The following EDIL3 variants were observed in gnomAD, a reference collection of about 807,000 sequenced individuals.
The protein encoded by EDIL3 is EGF-like repeat and discoidin I-like domain-containing protein 3.
EDIL3 carries 37 observed loss-of-function variants against 67.4 expected under a neutral mutation model. The observed-to-expected ratio is 0.55, with a 90% CI of 0.42 to 0.72. The LOEUF (loss-of-function observed/expected upper bound fraction) is 0.72. EDIL3 is among the 30% of genes least tolerant of loss of function. The pLI is 0.00. For missense variants in EDIL3, 527 were observed against 586.3 expected (o/e 0.90, Z 1.04); for synonymous variants, 195 against 196.3 (o/e 0.99, Z 0.05).
chr5:84,027,922 C>T (rs1407887821), intron 9 of EDIL3, among the ~76,000 whole-genome samples: 2 of 152,068 alleles, frequency 1.3e-5, no homozygotes, highest in Non-Finnish European at 1.5e-5. Context: ...AGGAATTTAA[C>T]CTTTCCTCAA....
chr5:83,979,498 G>A (rs899634040), intron 9 of EDIL3, among the ~76,000 whole-genome samples: 1 of 151,884 alleles, frequency 6.6e-6, no homozygotes, highest in Non-Finnish European at 1.5e-5. Flanking sequence ...ATTATGAAAA[G>A]TTATAAAGTC....
intron 4 of EDIL3, among the ~76,000 whole-genome samples, chr5:84,179,624 T>C (rs929615537): frequency 6.6e-6 from 1 of 152,182 alleles, no homozygotes; most frequent in Admixed American, 6.5e-5. Context: ...TGCCTATTCC[T>C]TCCCCACTCT....
rs116034801 is a variant in EDIL3 at position 84,220,887 on chromosome 5, G to A, written c.226+8968C>T. Among the ~76,000 whole-genome samples the A allele has an allele frequency of 2.2e-3, 333 of 152,056 alleles. 2 individuals carry two copies. The highest frequency in any genetic ancestry group is 7.7e-3 in the African/African-American group (320 of 41,458). On this transcript the variant is annotated intron_variant, in intron 3 of 10. Coordinates refer to ENST00000296591, the MANE Select transcript of EDIL3 (RefSeq NM_005711.5). ...CATATGGCCACAGTAGCTGTTGGCA[G>A]ACATATTACAGCCATGGAGAAACCA...
intron 3 of EDIL3, among the ~76,000 whole-genome samples, chr5:84,190,579 GTATATATA>G (rs138685119): frequency 0.17 from 20,908 of 121,690 alleles, 1,893 homozygotes; most frequent in Middle Eastern, 0.28. Flanking sequence ...GTGTGTGTGT[GTATATATA>G]TATATATATA....
At chr5:84,136,685 A>C (rs1427763633) in intron 5 of EDIL3, among the ~76,000 whole-genome samples, 1 of 152,108 alleles carries the variant, frequency 6.6e-6, no homozygotes, top group Non-Finnish European at 1.5e-5. Context: ...ACAGAGGCTA[A>C]CTGATTTATT....
chr5:84,150,774 A>G (rs899183908), intron 4 of EDIL3, among the ~76,000 whole-genome samples: 1 of 152,186 alleles, frequency 6.6e-6, no homozygotes, highest in Non-Finnish European at 1.5e-5. Flanking sequence ...CTACTCCTAC[A>G]TATTTATCCA....
rs765734016 is a variant in EDIL3, at chr5:84,347,546, GATAC to G, written c.67+36758_67+36761del. Among the ~76,000 whole-genome samples the G allele has an allele frequency of 2.4e-4, 36 of 152,162 alleles. 1 individual carries two copies. The highest frequency in any genetic ancestry group is 8.4e-4 in the African/African-American group (35 of 41,434). ...TTTTGGCTTTTCTCTGATAATCTCA[GATAC>G]ATACTATTAGTTTCTATAGACAAGT... is the stretch of plus-strand genomic sequence containing the variant. On this transcript the variant is annotated intron_variant, in intron 1 of 10. Coordinates refer to ENST00000296591, the MANE Select transcript of EDIL3 (RefSeq NM_005711.5).
rs533756025 is a variant in EDIL3 at position 84,137,184 on chromosome 5, T to TATACACACAC, written c.469+56_469+57insGTGTGTGTAT. 15 of 901,772 alleles carry TATACACACAC rather than the reference T, an allele frequency of 1.7e-5. No individual in the cohort carries two copies. The African/African-American group carries it at 2.6e-4, about 16-fold the overall frequency. The allele number at this position is 901,772 out of a possible 1,614,324, so 55.9% of individuals were successfully genotyped here. ...ATACATATATGTGTGTGTGTATACATACACACACACACACACACACACACA... is the reference window on the plus strand; with the variant it reads ...ATACATATATGTGTGTGTGTATACATATACACACACACACACACACACACACACACACACA... On this transcript the variant is annotated intron_variant, in intron 5 of 10. Transcript: ENST00000296591.
intron 3 of EDIL3, among the ~76,000 whole-genome samples, chr5:84,197,497 T>C (rs867873624): frequency 6.6e-6 from 1 of 151,658 alleles, no homozygotes; most frequent in Non-Finnish European, 1.5e-5. Context: ...CCGTCTCTAC[T>C]AAAATACAAA....
intron 10 of EDIL3, among the ~76,000 whole-genome samples, chr5:83,944,023 GTGTT>G: frequency 6.6e-6 from 1 of 152,124 alleles, no homozygotes; most frequent in East Asian, 1.9e-4. Flanking sequence ...ACTGTGCAGA[GTGTT>G]TAAGAGAACA....
intron 3 of EDIL3, among the ~76,000 whole-genome samples, chr5:84,188,423 C>A (rs1336323123): frequency 6.6e-6 from 1 of 151,838 alleles, no homozygotes; most frequent in Non-Finnish European, 1.5e-5. Flanking sequence ...AAACACGAAT[C>A]CCTGCCTGTC....
At chr5:84,377,956 C>T (rs1299773593) in intron 1 of EDIL3, among the ~76,000 whole-genome samples, 1 of 152,210 alleles carries the variant, frequency 6.6e-6, no homozygotes, top group Non-Finnish European at 1.5e-5. Flanking sequence ...GTTACTATCA[C>T]TATAATAATG....
chr5:84,300,327 T>C (rs747012366), intron 1 of EDIL3, among the ~76,000 whole-genome samples: 6 of 152,160 alleles, frequency 3.9e-5, no homozygotes, highest in Admixed American at 1.3e-4. Context: ...AATACCCAGG[T>C]GCTTAGGTTG....
chr5:84,165,504 T>C (rs1748689433), intron 4 of EDIL3, among the ~76,000 whole-genome samples: 1 of 152,112 alleles, frequency 6.6e-6, no homozygotes, highest in African/African-American at 2.4e-5. Flanking sequence ...CCTTCCAATA[T>C]TGCTCTTGAA....
chr5:84,377,309 A>C (rs1747988732), intron 1 of EDIL3, among the ~76,000 whole-genome samples: 1 of 123,570 alleles, frequency 8.1e-6, no homozygotes, highest in African/African-American at 2.7e-5. Context: ...CTCCGTCTCA[A>C]AAAAAAAAAA....
chr5:84,133,932 A>C (rs1561441332), intron 5 of EDIL3, among the ~76,000 whole-genome samples: 1 of 152,036 alleles, frequency 6.6e-6, no homozygotes, highest in Non-Finnish European at 1.5e-5. Flanking sequence ...CTCCCCTATA[A>C]GTATAATTAG....
chr5:84,273,263 C>A (rs562158447), intron 1 of EDIL3, among the ~76,000 whole-genome samples: 1 of 152,092 alleles, frequency 6.6e-6, no homozygotes, highest in African/African-American at 2.4e-5. Context: ...ATCTTTAGGG[C>A]GCTAATGGTC....
chr5:84,376,983 CAT>C (rs1336481037), intron 1 of EDIL3, among the ~76,000 whole-genome samples: 1 of 152,072 alleles, frequency 6.6e-6, no homozygotes, highest in Non-Finnish European at 1.5e-5. Flanking sequence ...GAAAAAATAG[CAT>C]AGTTAAAATT....
chr5:84,325,060 A>G (rs1204282354), intron 1 of EDIL3, among the ~76,000 whole-genome samples: 4 of 152,038 alleles, frequency 2.6e-5, no homozygotes, highest in Non-Finnish European at 2.9e-5. Context: ...AAGCTTCACA[A>G]CATTGGATTT....
Sources: gnomAD v4.1 joint callset for allele counts (sites outside exome capture counted in the v4.1 genomes callset) on GRCh38, gnomAD v4.1.1 for gene constraint, MANE v1.5 for transcripts, NCBI Gene and HGNC (gene_info 2026-07-23, HGNC 2026-07-21) for gene names.